The following TBC1D4 variants were observed in gnomAD, a reference collection of about 807,000 sequenced individuals.
TBC1D4 encodes the protein TBC (Tre-2, BUB2, CDC16) domain-containing protein.
In TBC1D4, 121 loss-of-function variants were observed where a neutral mutation model predicts 142.5. That is an observed-to-expected ratio of 0.85 (90% CI 0.73 to 0.99). The LOEUF is 0.99. Ranked by LOEUF, TBC1D4 falls within the 50% of genes least tolerant of loss-of-function variation. TBC1D4 has a pLI of 0.00. For missense variants in TBC1D4, 1,475 were observed against 1,606.6 expected, an observed-to-expected ratio of 0.92 and a Z score of 1.40; for synonymous variants, 630 against 628.2, an observed-to-expected ratio of 1.00 and a Z score of -0.04.
intron 1 of TBC1D4, among the ~76,000 whole-genome samples, chr13:75,459,007 T>A (rs1485060123): frequency 6.6e-6 from 1 of 152,114 alleles, no homozygotes; most frequent in Admixed American, 6.5e-5. Context: ...CCTCCTCCAC[T>A]ACTCTCTCTT....
intron 15 of TBC1D4, among the ~76,000 whole-genome samples, chr13:75,304,000 T>G (rs1415661356): frequency 2.0e-5 from 3 of 152,204 alleles, no homozygotes; most frequent in African/African-American, 7.2e-5. Context: ...CACACACCAT[T>G]TGACTCATAC....
chr13:75,445,868 C>T (rs1887261886), intron 1 of TBC1D4, among the ~76,000 whole-genome samples: 1 of 152,212 alleles, frequency 6.6e-6, no homozygotes, highest in Admixed American at 6.5e-5. Context: ...GCCTGAGTCA[C>T]AGCCTAGACA....
chr13:75,464,274 T>G (rs1888082799), intron 1 of TBC1D4, among the ~76,000 whole-genome samples: 1 of 152,200 alleles, frequency 6.6e-6, no homozygotes, highest in Non-Finnish European at 1.5e-5. Context: ...GTGATGGCCA[T>G]GACGCCCACG....
chr13:75,481,910 G>A lies in TBC1D4; in HGVS notation c.-143C>T, dbSNP rs1037928401. The A allele has an allele frequency of 1.6e-6, 2 of 1,240,404 alleles. No homozygotes were observed. The highest frequency in any genetic ancestry group is 3.2e-5 in the African/African-American group (2 of 62,604). 76.8% of individuals were successfully genotyped at this position (1,240,404 alleles called of 1,614,324 possible). A position where few individuals can be genotyped will look rare whatever the true frequency, so the allele number is the denominator to read the frequency against. Reference sequence around the variant, plus strand: ...TGGGAGCGGCGCGACCCCGAACTCCGCGCTTCAGCAGCCCTGCCCCATGCA... The same window carrying A: ...TGGGAGCGGCGCGACCCCGAACTCCACGCTTCAGCAGCCCTGCCCCATGCA... On this transcript the variant is annotated 5_prime_UTR_variant, in exon 1 of 21. Transcript: ENST00000377636.
rs183447001 is a variant in TBC1D4, at chr13:75,407,787, T to C, written c.499-45180A>G. Among the ~76,000 whole-genome samples the C allele has an allele frequency of 2.2e-3, 333 of 151,056 alleles. 2 individuals are homozygous for C. Among genetic ancestry groups the C allele is most frequent in the African/African-American group, 7.7e-3 (317 of 41,064 alleles). ...CACAGCAAAGTCTAAGGGTATAAAC[T>C]CTGGAAACTGACACTCCAGGACTCA... On this transcript the variant is annotated intron_variant, in intron 1 of 20. Transcript: ENST00000377636.
chr13:75,467,109 T>C (rs1480085081), intron 1 of TBC1D4, among the ~76,000 whole-genome samples: 1 of 152,126 alleles, frequency 6.6e-6, no homozygotes, highest in East Asian at 1.9e-4. Context: ...GGGTAATATA[T>C]TATGACTCAA....
chr13:75,313,051 C>T (rs2137944611), intron 12 of TBC1D4, among the ~76,000 whole-genome samples, 153 bp from the exon 13 acceptor site: 1 of 152,304 alleles, frequency 6.6e-6, no homozygotes, highest in Admixed American at 6.5e-5. Flanking sequence ...GCACACTAGT[C>T]ACCCAGGCCA....
At chr13:75,410,729 G>A (rs1474839509) in intron 1 of TBC1D4, among the ~76,000 whole-genome samples, 1 of 151,786 alleles carries the variant, frequency 6.6e-6, no homozygotes, top group Non-Finnish European at 1.5e-5. Context: ...GAGGTCAGGA[G>A]ATCGAGACCA....
chr13:75,452,939 G>A (rs949800761), intron 1 of TBC1D4, among the ~76,000 whole-genome samples: 2 of 152,086 alleles, frequency 1.3e-5, no homozygotes, highest in African/African-American at 4.8e-5. Context: ...CGAGGGCCTA[G>A]GGCTCAATAA....
At chr13:75,419,078 C>T (rs2138111396) in intron 1 of TBC1D4, among the ~76,000 whole-genome samples, 1 of 150,632 alleles carries the variant, frequency 6.6e-6, no homozygotes, top group Admixed American at 6.6e-5. Context: ...CACACACAAA[C>T]ACACACACAC....
chr13:75,357,406 A>T (rs1882139541), intron 3 of TBC1D4, among the ~76,000 whole-genome samples: 1 of 152,158 alleles, frequency 6.6e-6, no homozygotes, highest in Non-Finnish European at 1.5e-5. Context: ...ACCTTTAGAT[A>T]CACAACCTCG....
chr13:75,410,935 CAAAAAAAAAAAAAAAA>C (rs60172018), intron 1 of TBC1D4, among the ~76,000 whole-genome samples: 2 of 63,210 alleles, frequency 3.2e-5, no homozygotes, highest in East Asian at 5.0e-4. Context: ...GACTCCGTCT[CAAAAAAAAAAAAAAAA>C]AAAAAAAAAA....
chr13:75,462,510 A>G (rs545573593), intron 1 of TBC1D4, among the ~76,000 whole-genome samples: 75 of 149,962 alleles, frequency 5.0e-4, no homozygotes, highest in Admixed American at 1.0e-3. Context: ...CAGCACTCAC[A>G]AACCTCTGAG....
At position 75,309,975 on chromosome 13, in the gene TBC1D4, G is replaced by T. The variant is rs373154447; in HGVS notation, c.2560C>A (p.Leu854Ile). Residue 854 changes from leucine (L) to isoleucine (I), a missense_variant, in exon 14 of 21, where the codon CTT becomes ATT. Leu to Ile is a conservative substitution (Grantham distance 5). Transcript: ENST00000377636. ...RKAIHQQILLLRMEKENQKLE... is the reference protein window; with the variant it reads ...RKAIHQQILLIRMEKENQKLE... ...TTCTGGTTTTCTTTTTCCATTCGAA[G>T]TAACAAGATTTGTTGGTGTATAGCT... The T allele has an allele frequency of 6.2e-7, 1 of 1,614,118 alleles. No homozygotes were observed. The highest frequency in any genetic ancestry group is 8.5e-7 in the Non-Finnish European group (1 of 1,179,982).
At chr13:75,348,756 G>A (rs1163530262) in intron 5 of TBC1D4, among the ~76,000 whole-genome samples, 1 of 152,154 alleles carries the variant, frequency 6.6e-6, no homozygotes, top group Admixed American at 6.6e-5. Context: ...TCAAGTAAAG[G>A]AGAAAAGGGG....
At chr13:75,350,713 G>C (rs182795897) in intron 4 of TBC1D4, among the ~76,000 whole-genome samples, 1 of 152,084 alleles carries the variant, frequency 6.6e-6, no homozygotes, top group Admixed American at 6.5e-5. Flanking sequence ...TAATATAAAT[G>C]ATTTCCATAT....
chr13:75,326,941 A>G (rs1879317158), intron 9 of TBC1D4, among the ~76,000 whole-genome samples: 1 of 152,206 alleles, frequency 6.6e-6, no homozygotes, highest in African/African-American at 2.4e-5. Flanking sequence ...AGCCTTCCGG[A>G]AAATAAAGTC....
At chr13:75,441,956 G>A (rs146011485) in intron 1 of TBC1D4, among the ~76,000 whole-genome samples, 25 of 152,300 alleles carry the variant, frequency 1.6e-4, no homozygotes, top group African/African-American at 6.0e-4. Context: ...TGCACTCAAT[G>A]TTTATGCTCA....
Position 75,482,153 on chromosome 13 carries a change from C to A in TBC1D4, c.-386G>T. The stretch of plus-strand genomic sequence containing the variant: ...GCAGCCCCGCTGCGGCCGCCGCGCT[C>A]GCCTGGGGCAGACACTGGGTGGCTG... On this transcript the variant is annotated 5_prime_UTR_variant, in exon 1 of 21. Transcript: ENST00000377636. The A allele has an allele frequency of 5.7e-6, 1 of 175,720 alleles. No individual in the cohort carries two copies. Among genetic ancestry groups the A allele is most frequent in the Non-Finnish European group, 1.2e-5 (1 of 84,704 alleles). 10.9% of individuals were successfully genotyped at this position (175,720 alleles called of 1,614,324 possible). A position where few individuals can be genotyped will look rare whatever the true frequency, so the allele number is the denominator to read the frequency against.
Sources: gnomAD v4.1 joint callset for allele counts (sites outside exome capture counted in the v4.1 genomes callset) on GRCh38, gnomAD v4.1.1 for gene constraint, MANE v1.5 for transcripts, NCBI Gene and HGNC (gene_info 2026-07-23, HGNC 2026-07-21) for gene names.